The following L3MBTL4 variants were observed in gnomAD, a reference collection of about 807,000 sequenced individuals.
L3MBTL4 encodes the protein L3MBTL histone methyl-lysine binding protein 4.
L3MBTL4 carries 70 observed loss-of-function variants against 84.5 expected under a neutral mutation model. That is an observed-to-expected ratio of 0.83 (90% CI 0.68 to 1.01). L3MBTL4 has a LOEUF of 1.01. Among genes scored for constraint, L3MBTL4 ranks in the 50% least tolerant of loss-of-function variants. The pLI is 0.00. For synonymous variants in L3MBTL4, 274 were observed against 259.8 expected, an observed-to-expected ratio of 1.05 and a Z score of -0.52; for missense variants, 715 against 754.8, an observed-to-expected ratio of 0.95 and a Z score of 0.62.
chr18:6,234,877 T>C (rs1322898852), intron 10 of L3MBTL4, among the ~76,000 whole-genome samples: 1 of 152,170 alleles, frequency 6.6e-6, no homozygotes. Flanking sequence ...TGTATGTTTA[T>C]TACGGCACTA....
intron 16 of L3MBTL4, among the ~76,000 whole-genome samples, chr18:6,025,592 T>C (rs759730844): frequency 2.6e-5 from 4 of 152,246 alleles, no homozygotes; most frequent in East Asian, 3.8e-4. Context: ...ACTGCTGCTC[T>C]ATATTCTAAA....
intron 10 of L3MBTL4, among the ~76,000 whole-genome samples, 197 bp from the exon 11 acceptor site, chr18:6,216,032 G>A (rs148349137): frequency 4.1e-3 from 619 of 152,252 alleles, no homozygotes; most frequent in African/African-American, 0.014. Context: ...CTGCACTCAA[G>A]CACTTACTCC....
chr18:6,185,953 G>A (rs2044706300), intron 12 of L3MBTL4, among the ~76,000 whole-genome samples: 1 of 139,172 alleles, frequency 7.2e-6, no homozygotes, highest in Non-Finnish European at 1.5e-5. Flanking sequence ...ACCAAAAAGG[G>A]CACTTTCTTT....
chr18:5,964,897 A>G (rs1013271935), intron 17 of L3MBTL4, among the ~76,000 whole-genome samples: 2 of 152,156 alleles, frequency 1.3e-5, no homozygotes, highest in African/African-American at 2.4e-5. Flanking sequence ...TCACTCGAAC[A>G]TTTGTCAAAC....
At chr18:6,178,259 C>A (rs1273683372) in intron 12 of L3MBTL4, among the ~76,000 whole-genome samples, 1 of 152,140 alleles carries the variant, frequency 6.6e-6, no homozygotes, top group Non-Finnish European at 1.5e-5. Context: ...AAAATAGCCT[C>A]CCAATCCAAT....
At position 6,227,104 on chromosome 18, in the gene L3MBTL4, A is replaced by G. The variant is rs528455927; in HGVS notation, c.784+10860T>C. On this transcript the variant is annotated intron_variant, in intron 10 of 18. Coordinates refer to ENST00000317931, the MANE Select transcript of L3MBTL4 (RefSeq NM_001330559.2). ...TTCTTTAAGAGAACAAAATCATTCTATAAGTGTGTGCACCTAATAAGAGTG... is the reference window on the plus strand; with the variant it reads ...TTCTTTAAGAGAACAAAATCATTCTGTAAGTGTGTGCACCTAATAAGAGTG... 2.0e-4 allele frequency among the ~76,000 whole-genome samples: 30 copies of G among 152,332 alleles called. 1 individual carries two copies. In the South Asian group the frequency reaches 6.0e-3, roughly 31 times the overall value.
chr18:6,335,980 A>G (rs994584444), intron 1 of L3MBTL4, among the ~76,000 whole-genome samples: 2 of 152,218 alleles, frequency 1.3e-5, no homozygotes, highest in African/African-American at 4.8e-5. Flanking sequence ...TCCTTCATTC[A>G]TGTATTAAAT....
At chr18:6,408,040 G>C (rs908275134) in intron 1 of L3MBTL4, among the ~76,000 whole-genome samples, 1 of 152,120 alleles carries the variant, frequency 6.6e-6, no homozygotes, top group African/African-American at 2.4e-5. Context: ...ACAAAAAGGA[G>C]GGTGTCCATG....
chr18:6,268,648 C>T (rs973459673), intron 4 of L3MBTL4, among the ~76,000 whole-genome samples: 2 of 152,308 alleles, frequency 1.3e-5, no homozygotes, highest in Non-Finnish European at 1.5e-5. Flanking sequence ...CATAAACCAA[C>T]TTCATAAACC....
At chr18:6,105,786 G>A in intron 14 of L3MBTL4, among the ~76,000 whole-genome samples, 1 of 140,210 alleles carries the variant, frequency 7.1e-6, no homozygotes, top group Middle Eastern at 3.5e-3. Context: ...GGCAACAAGA[G>A]TGAAACTCTG....
At chr18:6,007,437 GA>G (rs2054540394) in intron 16 of L3MBTL4, among the ~76,000 whole-genome samples, 1 of 151,894 alleles carries the variant, frequency 6.6e-6, no homozygotes. Context: ...TACCTTGTTG[GA>G]AAAAAATTCA....
chr18:6,020,874 T>C (rs528141196), intron 16 of L3MBTL4, among the ~76,000 whole-genome samples: 37 of 151,992 alleles, frequency 2.4e-4, no homozygotes, highest in African/African-American at 8.2e-4. Context: ...AAGGTCAAGG[T>C]GGGGATAGGA....
chr18:6,179,491 G>C (rs2044370684), intron 12 of L3MBTL4, among the ~76,000 whole-genome samples: 1 of 152,196 alleles, frequency 6.6e-6, no homozygotes, highest in South Asian at 2.1e-4. Flanking sequence ...GTTGAGGGAT[G>C]GCAAAGGTGG....
At chr18:6,166,235 C>G (rs994548844) in intron 13 of L3MBTL4, among the ~76,000 whole-genome samples, 5 of 152,166 alleles carry the variant, frequency 3.3e-5, no homozygotes, top group Admixed American at 1.3e-4. Context: ...TAATGGGAGA[C>G]TTTAACACCC....
intron 16 of L3MBTL4, chr18:6,031,602 G>A: frequency 1.1e-6 from 1 of 939,148 alleles, no homozygotes; most frequent in Non-Finnish European, 1.3e-6. Context: ...GACAGTTGTT[G>A]GCTGAGCAGA....
intron 13 of L3MBTL4, among the ~76,000 whole-genome samples, chr18:6,169,050 T>A (rs1319467853): frequency 2.6e-5 from 4 of 152,166 alleles, no homozygotes; most frequent in African/African-American, 9.7e-5. Flanking sequence ...AAAGAAGACA[T>A]TTATGCAGCC....
intron 13 of L3MBTL4, among the ~76,000 whole-genome samples, chr18:6,152,533 T>C (rs2042941165): frequency 6.6e-6 from 1 of 152,218 alleles, no homozygotes; most frequent in African/African-American, 2.4e-5. Context: ...TGTCCATCTG[T>C]ATGGCTTCTT....
intron 16 of L3MBTL4, among the ~76,000 whole-genome samples, chr18:6,020,603 G>A (rs2055203459): frequency 6.6e-6 from 1 of 152,238 alleles, no homozygotes; most frequent in South Asian, 2.1e-4. Flanking sequence ...TAGTCAAAGT[G>A]AGGGAGACTC....
At chr18:6,172,002 T>C in intron 12 of L3MBTL4, 60 bp from the exon 13 acceptor site, 1 of 786,888 alleles carries the variant, frequency 1.3e-6, no homozygotes, top group South Asian at 1.7e-5. Flanking sequence ...TATTCCTGTA[T>C]CAAAATATTT....
Sources: gnomAD v4.1 joint callset for allele counts (sites outside exome capture counted in the v4.1 genomes callset) on GRCh38, gnomAD v4.1.1 for gene constraint, MANE v1.5 for transcripts, NCBI Gene and HGNC (gene_info 2026-07-23, HGNC 2026-07-21) for gene names.